MAP3K1: variants seen among roughly 807,000 people sequenced by gnomAD.
MAP3K1 encodes MAP/ERK kinase kinase 1.
MAP3K1 carries 36 observed loss-of-function variants against 144.2 expected under a neutral mutation model. That is an observed-to-expected ratio of 0.25 (90% CI 0.19 to 0.33). The LOEUF is 0.33. MAP3K1 is among the 10% of genes least tolerant of loss of function. The pLI, the probability that MAP3K1 is intolerant of heterozygous loss-of-function variation, is 1.00. For synonymous variants in MAP3K1, 718 were observed against 688.7 expected (o/e 1.04, Z -0.67); for missense variants, 1,650 against 1,881.9 (o/e 0.88, Z 2.28).
At chr5:56,822,064 A>G (rs1746172058) in intron 1 of MAP3K1, among the ~76,000 whole-genome samples, 1 of 152,162 alleles carries the variant, frequency 6.6e-6, no homozygotes. Flanking sequence ...TCTGTTGCCC[A>G]GGCTGGAGTG....
At chr5:56,883,339 C>T (rs936035258) in intron 14 of MAP3K1, among the ~76,000 whole-genome samples, 188 bp from the exon 15 acceptor site, 1 of 152,200 alleles carries the variant, frequency 6.6e-6, no homozygotes, top group African/African-American at 2.4e-5. Context: ...TGCCTATGGG[C>T]ATTTCCGGTT....
chr5:56,837,544 G>C (rs530017525), intron 1 of MAP3K1, among the ~76,000 whole-genome samples: 1 of 152,120 alleles, frequency 6.6e-6, no homozygotes, highest in Non-Finnish European at 1.5e-5. Flanking sequence ...TCTTTCTGGC[G>C]TAGAAGTTCA....
At chr5:56,886,448 TG>T (rs1196936923) in intron 17 of MAP3K1, among the ~76,000 whole-genome samples, 3 of 152,054 alleles carry the variant, frequency 2.0e-5, no homozygotes, top group African/African-American at 7.2e-5. Flanking sequence ...TTTCTAACAG[TG>T]GGATTTTTTT....
chr5:56,884,962 G>C, intron 16 of MAP3K1, 136 bp downstream of exon 16: 1 of 698,016 alleles, frequency 1.4e-6, no homozygotes, highest in East Asian at 2.7e-5. Context: ...CAATATATTA[G>C]TATGAACCAC....
chr5:56,893,905 A>G lies in MAP3K1; in HGVS notation c.*225A>G. 7.0e-6 allele frequency: 4 copies of G among 571,974 alleles called. No individual in the cohort carries two copies. The highest frequency in any genetic ancestry group is 1.3e-5 in the Non-Finnish European group (4 of 318,924). The allele number at this position is 571,974 out of a possible 1,614,324, so 35.4% of individuals were successfully genotyped here. ...GCAGAAACTGTAAACTGTGCCTTTC[A>G]AAGAACTGGCCCTAGGTGAACAGGA... is the stretch of plus-strand genomic sequence containing the variant. On this transcript the variant is annotated 3_prime_UTR_variant, in exon 20 of 20. Coordinates refer to ENST00000399503, the MANE Select transcript of MAP3K1 (RefSeq NM_005921.2).
chr5:56,817,083 T>G (rs1746000942), intron 1 of MAP3K1: 1 of 985,266 alleles, frequency 1.0e-6, no homozygotes, highest in Non-Finnish European at 1.2e-6. Flanking sequence ...CTCAGATGCG[T>G]CTTCTGGTGC....
intron 6 of MAP3K1, among the ~76,000 whole-genome samples, chr5:56,868,249 C>T (rs982125838): frequency 1.3e-5 from 2 of 152,196 alleles, no homozygotes; most frequent in Non-Finnish European, 2.9e-5. Flanking sequence ...AAGTAGTCCA[C>T]AGGCTGATTT....
At chr5:56,879,129 A>G in intron 11 of MAP3K1, 28 bp downstream of exon 11, 1 of 1,613,670 alleles carries the variant, frequency 6.2e-7, no homozygotes, top group Non-Finnish European at 8.5e-7. Context: ...AATCACTTCA[A>G]ACCCTCTTGT....
chr5:56,837,174 A>C (rs1320037896), intron 1 of MAP3K1, among the ~76,000 whole-genome samples: 2 of 151,292 alleles, frequency 1.3e-5, no homozygotes, highest in Non-Finnish European at 2.9e-5. Flanking sequence ...TTGCTTCCCT[A>C]ATAGGATGCA....
At chr5:56,877,055 G>C (rs1221190384) in intron 10 of MAP3K1, among the ~76,000 whole-genome samples, 1 of 152,152 alleles carries the variant, frequency 6.6e-6, no homozygotes, top group Non-Finnish European at 1.5e-5. Flanking sequence ...GTAAGCTAAT[G>C]TACATTGTGA....
chr5:56,824,600 T>TA (rs754962453), intron 1 of MAP3K1, among the ~76,000 whole-genome samples: 1 of 152,204 alleles, frequency 6.6e-6, no homozygotes, highest in East Asian at 1.9e-4. Context: ...CTCTGCCATT[T>TA]AAAAATATAC....
chr5:56,882,353 C>G lies in MAP3K1; in HGVS notation c.3153C>G (p.Pro1051=), dbSNP rs1216230558. 1.2e-6 allele frequency: 2 copies of G among 1,614,046 alleles called. No homozygotes were observed. The highest frequency in any genetic ancestry group is 1.7e-6 in the Non-Finnish European group (2 of 1,180,034). The change falls in exon 14 of 20, where the codon CCC becomes CCG. Residue 1051 remains proline, a synonymous_variant. Coordinates refer to ENST00000399503, the MANE Select transcript of MAP3K1 (RefSeq NM_005921.2). The part of the protein sequence containing the change: ...KLSPVFTQSR[P]LPSSNIHRPK... ...CCCCAGTCTTTACTCAGTCAAGACC[C>G]TTGCCCTCCAGTAACATACACAGGC...
chr5:56,824,278 G>A (rs991326642), intron 1 of MAP3K1, among the ~76,000 whole-genome samples: 2 of 152,210 alleles, frequency 1.3e-5, no homozygotes, highest in African/African-American at 4.8e-5. Context: ...AGCAGCCAAA[G>A]GACCTGTAAC....
intron 6 of MAP3K1, among the ~76,000 whole-genome samples, chr5:56,870,361 A>G (rs252887): frequency 0.77 from 117,613 of 152,050 alleles, 45,842 homozygotes; most frequent in Non-Finnish European, 0.82. Flanking sequence ...TATTATAATG[A>G]AAATACGGCT....
At chr5:56,856,495 C>T (rs1200428975) in intron 1 of MAP3K1, 105 bp from the exon 2 acceptor site, 4 of 967,266 alleles carry the variant, frequency 4.1e-6, no homozygotes, top group Non-Finnish European at 6.4e-6. Context: ...TTTTTTATTA[C>T]ATGTCCGTTG....
intron 12 of MAP3K1, 130 bp downstream of exon 12, chr5:56,880,932 G>T: frequency 9.6e-7 from 1 of 1,037,242 alleles, no homozygotes; most frequent in Non-Finnish European, 1.5e-6. Context: ...GATTCACTGT[G>T]TTACAGTTAG....
At chr5:56,868,319 CTA>C (rs1288461368) in intron 6 of MAP3K1, among the ~76,000 whole-genome samples, 2 of 152,018 alleles carry the variant, frequency 1.3e-5, no homozygotes, top group African/African-American at 4.8e-5. Context: ...TCAGAAAAAA[CTA>C]TGCTAAAAAA....
chr5:56,880,531 C>T (rs1164418439), intron 11 of MAP3K1, among the ~76,000 whole-genome samples, 180 bp from the exon 12 acceptor site: 2 of 151,990 alleles, frequency 1.3e-5, no homozygotes, highest in African/African-American at 2.4e-5. Flanking sequence ...GAAATTAGAC[C>T]TAATAAATGA....
At chr5:56,824,886 CA>C (rs1393725628) in intron 1 of MAP3K1, among the ~76,000 whole-genome samples, 2 of 151,944 alleles carry the variant, frequency 1.3e-5, no homozygotes, top group East Asian at 3.8e-4. Flanking sequence ...CTTTAAAATG[CA>C]TAATAATCAC....
Sources: allele counts gnomAD v4.1 joint callset (sites outside exome capture counted in the v4.1 genomes callset), GRCh38; gene constraint gnomAD v4.1.1; transcripts MANE v1.5; gene names NCBI Gene and HGNC (gene_info 2026-07-23, HGNC 2026-07-21).